GPC5: variants seen among roughly 807,000 people sequenced by gnomAD.
GPC5 encodes the protein glypican 5.
Under a neutral mutation model 53.9 loss-of-function variants are expected in GPC5, and 47 were observed. That is an observed-to-expected ratio of 0.87 (90% confidence interval 0.69 to 1.11). GPC5 has a LOEUF of 1.11. Among genes scored for constraint, GPC5 ranks in the 50% most tolerant of loss-of-function variants. The probability of loss-of-function intolerance (pLI) is 0.00; values close to 1 mark genes in which losing one functional copy is unlikely to be tolerated. For missense variants in GPC5, 748 were observed against 713.1 expected (o/e 1.05, Z -0.56); for synonymous variants, 286 against 263.3 (o/e 1.09, Z -0.84).
At chr13:92,446,127 C>A (rs2139392654) in intron 7 of GPC5, among the ~76,000 whole-genome samples, 1 of 151,908 alleles carries the variant, frequency 6.6e-6, no homozygotes, top group African/African-American at 2.4e-5. Context: ...TTAAAATGTA[C>A]AATTAAATTA....
intron 7 of GPC5, among the ~76,000 whole-genome samples, chr13:92,692,791 G>A (rs1411262163): frequency 1.5e-5 from 1 of 66,408 alleles, no homozygotes; most frequent in Non-Finnish European, 2.7e-5. Context: ...TTTACCAAAA[G>A]CCACTCTGAC....
intron 6 of GPC5, among the ~76,000 whole-genome samples, chr13:91,937,922 T>C (rs576817578): frequency 6.6e-6 from 1 of 152,124 alleles, no homozygotes; most frequent in African/African-American, 2.4e-5. Context: ...CCCCTTATAT[T>C]GGTAACACAT....
chr13:91,927,503 G>T (rs2039780427), intron 6 of GPC5, among the ~76,000 whole-genome samples: 1 of 151,982 alleles, frequency 6.6e-6, no homozygotes, highest in South Asian at 2.1e-4. Context: ...TACACAACAT[G>T]CAACAAGAGA....
At chr13:91,400,028 T>G (rs1430139280) in intron 1 of GPC5, among the ~76,000 whole-genome samples, 1 of 152,186 alleles carries the variant, frequency 6.6e-6, no homozygotes, top group Non-Finnish European at 1.5e-5. Flanking sequence ...ACCAATTTCC[T>G]TCTGCTGGTG....
At chr13:91,985,788 C>T (rs1447727589) in intron 6 of GPC5, among the ~76,000 whole-genome samples, 1 of 151,832 alleles carries the variant, frequency 6.6e-6, no homozygotes, top group East Asian at 1.9e-4. Context: ...TGTTATAAAC[C>T]CTACAGGGGA....
At chr13:92,380,357 A>G (rs1016440920) in intron 7 of GPC5, among the ~76,000 whole-genome samples, 22 of 152,084 alleles carry the variant, frequency 1.4e-4, no homozygotes, top group Non-Finnish European at 1.5e-4. Context: ...TTCTCCTCAT[A>G]GCTCTGCTCA....
At chr13:92,504,346 T>G (rs919945007) in intron 7 of GPC5, among the ~76,000 whole-genome samples, 2 of 151,934 alleles carry the variant, frequency 1.3e-5, no homozygotes, top group African/African-American at 4.8e-5. Context: ...AAAGGAAGCC[T>G]AAACAAATGG....
intron 7 of GPC5, chr13:92,719,782 C>T (rs1214217347): frequency 6.6e-6 from 1 of 152,042 alleles, no homozygotes; most frequent in Non-Finnish European, 1.5e-5. Context: ...AAATTAAAGC[C>T]TTAGTAAGTT....
chr13:91,554,298 TCA>T (rs1179223380), intron 2 of GPC5, among the ~76,000 whole-genome samples: 1 of 150,716 alleles, frequency 6.6e-6, no homozygotes, highest in Non-Finnish European at 1.5e-5. Context: ...ATACACAGAC[TCA>T]CAGACACAGA....
At chr13:92,854,015 T>C (rs1206135035) in intron 7 of GPC5, among the ~76,000 whole-genome samples, 1 of 152,038 alleles carries the variant, frequency 6.6e-6, no homozygotes, top group Admixed American at 6.6e-5. Flanking sequence ...GGTTCTCCTT[T>C]AGTTTTGGCT....
intron 7 of GPC5, among the ~76,000 whole-genome samples, chr13:92,364,726 C>T (rs1329993945): frequency 6.6e-6 from 1 of 151,450 alleles, no homozygotes; most frequent in Admixed American, 6.6e-5. Context: ...TGAGAGACTC[C>T]GTCTCAAACA....
intron 7 of GPC5, among the ~76,000 whole-genome samples, chr13:92,170,442 T>TTTTTTTTTTTTTTTTTTTTC: frequency 6.9e-6 from 1 of 144,012 alleles, no homozygotes; most frequent in Admixed American, 6.9e-5. Flanking sequence ...TTTTTTTTTT[T>TTTTTTTTTTTTTTTTTTTTC]TGAGACAGAG....
At chr13:91,458,949 T>C (rs1881740194) in intron 2 of GPC5, among the ~76,000 whole-genome samples, 1 of 152,002 alleles carries the variant, frequency 6.6e-6, no homozygotes, top group African/African-American at 2.4e-5. Flanking sequence ...CTAAGTAAAG[T>C]AACTCAGGAA....
chr13:92,160,343 A>C (rs933150025), intron 7 of GPC5, among the ~76,000 whole-genome samples: 1 of 152,220 alleles, frequency 6.6e-6, no homozygotes, highest in Non-Finnish European at 1.5e-5. Flanking sequence ...GTAAAGTTAA[A>C]CCAAAACATA....
intron 6 of GPC5, among the ~76,000 whole-genome samples, chr13:91,955,354 T>A (rs1421633997): frequency 2.0e-5 from 3 of 152,204 alleles, no homozygotes; most frequent in African/African-American, 7.2e-5. Context: ...AAATGTTATA[T>A]TGTGGAAGAT....
intron 2 of GPC5, among the ~76,000 whole-genome samples, chr13:91,619,213 T>A (rs1276143827): frequency 6.6e-6 from 1 of 152,082 alleles, no homozygotes; most frequent in Non-Finnish European, 1.5e-5. Flanking sequence ...TTTCAAAAAA[T>A]TTAATTTAGA....
At chr13:92,661,956 C>T (rs1886358808) in intron 7 of GPC5, among the ~76,000 whole-genome samples, 1 of 151,862 alleles carries the variant, frequency 6.6e-6, no homozygotes, top group Admixed American at 6.6e-5. Context: ...TTAAAGGTTC[C>T]CTCTCCCCAT....
chr13:92,215,956 G>A (rs1328001027), intron 7 of GPC5, among the ~76,000 whole-genome samples: 1 of 152,176 alleles, frequency 6.6e-6, no homozygotes, highest in South Asian at 2.1e-4. Flanking sequence ...ACAGTGCATG[G>A]TGAGAGGGTC....
At chr13:92,188,020 T>G (rs2042196369) in intron 7 of GPC5, among the ~76,000 whole-genome samples, 1 of 152,208 alleles carries the variant, frequency 6.6e-6, no homozygotes, top group Admixed American at 6.5e-5. Flanking sequence ...ACCCATTTAT[T>G]TATGTTGTGA....
Sources: allele counts gnomAD v4.1 joint callset (sites outside exome capture counted in the v4.1 genomes callset), GRCh38; gene constraint gnomAD v4.1.1; transcripts MANE v1.5; gene names NCBI Gene and HGNC (gene_info 2026-07-23, HGNC 2026-07-21).